The following CLDN10 variants were observed in gnomAD, a reference collection of about 807,000 sequenced individuals.
The protein encoded by CLDN10 is claudin-10.
In CLDN10, 15 loss-of-function variants were observed where a neutral mutation model predicts 22.9. The ratio of observed to expected loss-of-function variants is 0.65; its 90% confidence interval spans 0.44 to 1.01. The LOEUF (loss-of-function observed/expected upper bound fraction) is 1.01. Among genes scored for constraint, CLDN10 ranks in the 50% least tolerant of loss-of-function variants. The pLI is 0.00. For missense variants in CLDN10, 247 were observed against 287.8 expected, an observed-to-expected ratio of 0.86 and a Z score of 1.03; for synonymous variants, 114 against 111.4, an observed-to-expected ratio of 1.02 and a Z score of -0.15.
At chr13:95,571,911 G>A (rs1355063630) in intron 3 of CLDN10, among the ~76,000 whole-genome samples, 2 of 152,128 alleles carry the variant, frequency 1.3e-5, no homozygotes, top group African/African-American at 2.4e-5. Context: ...ATTAAAATGA[G>A]GAGCAGGACA....
intron 1 of CLDN10, among the ~76,000 whole-genome samples, chr13:95,482,744 AG>A (rs2042763172): frequency 6.6e-6 from 1 of 152,346 alleles, no homozygotes; most frequent in Middle Eastern, 3.4e-3. Flanking sequence ...TGGGAGGCTG[AG>A]GTGGGTGGAT....
intron 1 of CLDN10, among the ~76,000 whole-genome samples, chr13:95,517,386 G>C (rs1425360838): frequency 2.6e-5 from 4 of 152,130 alleles, no homozygotes; most frequent in African/African-American, 9.7e-5. Context: ...GGGATCCGGT[G>C]GTGGGAGAAG....
chr13:95,473,096 T>C (rs2139104231), intron 1 of CLDN10, among the ~76,000 whole-genome samples: 1 of 142,838 alleles, frequency 7.0e-6, no homozygotes, highest in South Asian at 2.2e-4. Context: ...GCTACGATCG[T>C]ACCACAGCAC....
At chr13:95,507,706 C>T (rs1360864496) in intron 1 of CLDN10, among the ~76,000 whole-genome samples, 1 of 152,048 alleles carries the variant, frequency 6.6e-6, no homozygotes, top group Non-Finnish European at 1.5e-5. Context: ...TAACCACAAC[C>T]TCTGCCTCCT....
chr13:95,538,364 C>T (rs150092591), intron 1 of CLDN10, among the ~76,000 whole-genome samples: 1,821 of 151,610 alleles, frequency 0.012, 35 homozygotes, highest in African/African-American at 0.041. Context: ...GGTCTTGAAC[C>T]CCTGACCTCA....
chr13:95,463,325 T>TATATATATATATATATATATATA (rs1566282981), intron 1 of CLDN10, among the ~76,000 whole-genome samples: 2 of 101,152 alleles, frequency 2.0e-5, no homozygotes, highest in Non-Finnish European at 2.1e-5. Flanking sequence ...TATATATATA[T>TATATATATATATATATATATATA]TTGCCTTTTT....
intron 1 of CLDN10, among the ~76,000 whole-genome samples, chr13:95,472,851 T>G (rs896492515): frequency 6.6e-6 from 1 of 151,506 alleles, no homozygotes; most frequent in Non-Finnish European, 1.5e-5. Context: ...TAGAATCAGG[T>G]GCTCTCTGTC....
At chr13:95,442,806 T>C (rs1160614044) in intron 1 of CLDN10, among the ~76,000 whole-genome samples, 3 of 152,240 alleles carry the variant, frequency 2.0e-5, no homozygotes, top group African/African-American at 2.4e-5. Context: ...TAACTTCTCA[T>C]AGACTCAATC....
At chr13:95,489,885 A>G (rs2042851516) in intron 1 of CLDN10, among the ~76,000 whole-genome samples, 1 of 152,044 alleles carries the variant, frequency 6.6e-6, no homozygotes. Context: ...TCTTTAGTTG[A>G]TTTTTGTTTA....
At chr13:95,555,052 T>G (rs28406248) in intron 1 of CLDN10, among the ~76,000 whole-genome samples, 3 of 108,412 alleles carry the variant, frequency 2.8e-5, no homozygotes, top group African/African-American at 7.3e-5. Flanking sequence ...ATCCAGTTTT[T>G]TTTTTTTTTT....
chr13:95,454,893 AAAC>A (rs1406639670), intron 1 of CLDN10, among the ~76,000 whole-genome samples: 2 of 152,122 alleles, frequency 1.3e-5, no homozygotes, highest in Admixed American at 1.3e-4. Flanking sequence ...AGTCCAGTCA[AAAC>A]AACATCTTGG....
At chr13:95,530,052 T>A (rs755413162) in intron 1 of CLDN10, among the ~76,000 whole-genome samples, 1 of 152,198 alleles carries the variant, frequency 6.6e-6, no homozygotes, top group Non-Finnish European at 1.5e-5. Context: ...TCAAACCACA[T>A]GCATATAATG....
In CLDN10 at chr13:95,493,417, G is replaced by A. The variant is rs148552369; in HGVS notation, c.214+59370G>A. Among the ~76,000 whole-genome samples the A allele has an allele frequency of 8.2e-4, 124 of 152,088 alleles. 1 individual carries two copies. The East Asian group carries it at 0.022, about 27-fold the overall frequency. ...ATCACCACCACCCATCTCCAGAAAA[G>A]AGTTCTTACAAAACTAAAACTCTGG... On this transcript the variant is annotated intron_variant, in intron 1 of 4. Coordinates refer to the CLDN10 transcript ENST00000376873.
chr13:95,532,273 G>T (rs1302171902), intron 1 of CLDN10, among the ~76,000 whole-genome samples: 1 of 152,108 alleles, frequency 6.6e-6, no homozygotes, highest in Admixed American at 6.5e-5. Context: ...TCTGATAACA[G>T]CCTGGTATAG....
At chr13:95,477,218 G>A (rs1049104378) in intron 1 of CLDN10, among the ~76,000 whole-genome samples, 3 of 152,196 alleles carry the variant, frequency 2.0e-5, no homozygotes, top group Admixed American at 6.5e-5. Context: ...AGGGAGAAGA[G>A]AACGTGGCCA....
intron 1 of CLDN10, among the ~76,000 whole-genome samples, chr13:95,480,186 A>G (rs930066420): frequency 2.7e-5 from 4 of 150,230 alleles, no homozygotes; most frequent in African/African-American, 1.0e-4. Flanking sequence ...CATGGGAATG[A>G]CCCGCCCCCA....
chr13:95,434,478 A>C (rs201459170), intron 1 of CLDN10, among the ~76,000 whole-genome samples: 4 of 145,740 alleles, frequency 2.7e-5, no homozygotes, highest in East Asian at 2.1e-4. Flanking sequence ...TACACCCACA[A>C]ACACACACAC....
chr13:95,557,553 G>A (rs1013638187), intron 1 of CLDN10, among the ~76,000 whole-genome samples: 7 of 152,106 alleles, frequency 4.6e-5, no homozygotes, highest in East Asian at 1.9e-4. Flanking sequence ...GCCAATGATC[G>A]TCCTTGTAAA....
chr13:95,460,455 A>G (rs1594533706), intron 1 of CLDN10, among the ~76,000 whole-genome samples: 2 of 152,218 alleles, frequency 1.3e-5, no homozygotes, highest in East Asian at 3.9e-4. Flanking sequence ...GGAAGGCCTC[A>G]GCAAACTTAC....
Sources: gnomAD v4.1 joint callset for allele counts (sites outside exome capture counted in the v4.1 genomes callset) on GRCh38, gnomAD v4.1.1 for gene constraint, MANE v1.5 for transcripts, NCBI Gene and HGNC (gene_info 2026-07-23, HGNC 2026-07-21) for gene names.